THSD7B: variants seen among roughly 807,000 people sequenced by gnomAD.
THSD7B encodes thrombospondin type-1 domain-containing protein 7B.
In THSD7B, 138 loss-of-function variants were observed where a neutral mutation model predicts 213.6. The ratio of observed to expected loss-of-function variants is 0.65; its 90% confidence interval spans 0.56 to 0.74. The LOEUF (loss-of-function observed/expected upper bound fraction) is 0.74, where lower values mean the gene tolerates loss of function less well. THSD7B is among the 30% of genes least tolerant of loss of function. THSD7B has a pLI of 0.00. For missense variants in THSD7B, 1,931 were observed against 1,991.5 expected (o/e 0.97, Z 0.58); for synonymous variants, 742 against 687.0 (o/e 1.08, Z -1.25).
rs572787774 is a variant in THSD7B, at chr2:137,617,642, A to T, written c.3566-750A>T. Reference sequence around the variant, plus strand: ...GTATTGAAAATGTTTTCAAGTTTACATAAAAGATTGGTGTCTTAGTCTGTC... The same window carrying T: ...GTATTGAAAATGTTTTCAAGTTTACTTAAAAGATTGGTGTCTTAGTCTGTC... On this transcript the variant is annotated intron_variant, in intron 18 of 27. Coordinates refer to ENST00000409968, the MANE Select transcript of THSD7B (RefSeq NM_001316349.2). 4.5e-4 allele frequency among the ~76,000 whole-genome samples: 68 copies of T among 152,332 alleles called. 1 individual carries two copies. In the South Asian group the frequency reaches 9.7e-3, roughly 22 times the overall value.
At chr2:137,516,558 C>A (rs973775397) in intron 15 of THSD7B, among the ~76,000 whole-genome samples, 5 of 152,090 alleles carry the variant, frequency 3.3e-5, no homozygotes, top group South Asian at 2.1e-4. Flanking sequence ...TTCAGGGGAC[C>A]CAAAACGTCG....
At chr2:137,623,815 C>A (rs1397051067) in intron 20 of THSD7B, among the ~76,000 whole-genome samples, 1 of 152,126 alleles carries the variant, frequency 6.6e-6, no homozygotes, top group Non-Finnish European at 1.5e-5. Flanking sequence ...AACCACTGCT[C>A]AGTGAAATAA....
At chr2:137,141,469 AAC>A (rs1679583603) in intron 5 of THSD7B, among the ~76,000 whole-genome samples, 4 of 139,820 alleles carry the variant, frequency 2.9e-5, no homozygotes, top group Non-Finnish European at 6.1e-5. Flanking sequence ...ATTGCGTAGA[AAC>A]ACACATGTGT....
At chr2:136,841,926 T>A (rs1682926616) in intron 1 of THSD7B, among the ~76,000 whole-genome samples, 1 of 152,216 alleles carries the variant, frequency 6.6e-6, no homozygotes, top group African/African-American at 2.4e-5. Flanking sequence ...TTATTGCAGC[T>A]GTATGTATCC....
intron 13 of THSD7B, among the ~76,000 whole-genome samples, chr2:137,410,962 CAG>C (rs1686639213): frequency 6.6e-6 from 1 of 152,180 alleles, no homozygotes; most frequent in Admixed American, 6.5e-5. Flanking sequence ...TTGTCTTACT[CAG>C]AGATAGGACC....
At chr2:137,282,516 T>C (rs1683051105) in intron 12 of THSD7B, among the ~76,000 whole-genome samples, 1 of 152,202 alleles carries the variant, frequency 6.6e-6, no homozygotes, top group Non-Finnish European at 1.5e-5. Flanking sequence ...TAGGTTTTTT[T>C]CTAGAGTTTT....
chr2:137,600,750 A>C (rs1682061405), intron 17 of THSD7B, among the ~76,000 whole-genome samples: 1 of 152,110 alleles, frequency 6.6e-6, no homozygotes, highest in Non-Finnish European at 1.5e-5. Context: ...AAAACAAAAC[A>C]AAAAAACAAA....
At chr2:137,106,441 C>T (rs552629887) in intron 4 of THSD7B, among the ~76,000 whole-genome samples, 1 of 152,190 alleles carries the variant, frequency 6.6e-6, no homozygotes, top group East Asian at 1.9e-4. Context: ...ACTATAACAC[C>T]CTGGAAGAAA....
In THSD7B at chr2:137,302,600, G is replaced by T. The variant is rs551954229; in HGVS notation, c.2500+26574G>T. 3.3e-5 allele frequency among the ~76,000 whole-genome samples: 5 copies of T among 152,206 alleles called. No individual in the cohort carries two copies. The East Asian group carries it at 9.6e-4, about 29-fold the overall frequency. On this transcript the variant is annotated intron_variant, in intron 12 of 27. Coordinates refer to ENST00000409968, the MANE Select transcript of THSD7B (RefSeq NM_001316349.2). ...ATCTTGTAAAAAGTTTTGATGTGAA[G>T]GGAACAGAGAAGTGGGGTAGTAGCT...
chr2:137,438,765 A>G (rs575766815), intron 14 of THSD7B, among the ~76,000 whole-genome samples: 10 of 152,200 alleles, frequency 6.6e-5, no homozygotes, highest in African/African-American at 2.4e-4. Context: ...TCTCTCTAGT[A>G]GGTTGAATTT....
rs540551320 is a variant in THSD7B at position 136,871,168 on chromosome 2, A to G, written c.-35-10976A>G. On this transcript the variant is annotated intron_variant, in intron 1 of 27. Transcript: ENST00000409968. ...GGGCTCTGTAGGGTAATCAAGCTCC[A>G]TTTATTTTGTATGTTACATGTGTGT... Among the ~76,000 whole-genome samples the G allele has an allele frequency of 1.4e-4, 21 of 152,302 alleles. No homozygotes were observed. The South Asian group carries it at 3.1e-3, about 23-fold the overall frequency.
At chr2:136,878,978 T>G (rs1387363118) in intron 1 of THSD7B, among the ~76,000 whole-genome samples, 1 of 152,230 alleles carries the variant, frequency 6.6e-6, no homozygotes, top group African/African-American at 2.4e-5. Context: ...GTTTTAGACA[T>G]GAAGTCCTTG....
At chr2:137,497,507 A>G (rs1267681252) in intron 15 of THSD7B, among the ~76,000 whole-genome samples, 1 of 152,078 alleles carries the variant, frequency 6.6e-6, no homozygotes, top group African/African-American at 2.4e-5. Flanking sequence ...AAATGTACCA[A>G]TTGCATACAA....
Position 137,141,878 on chromosome 2 carries a change from C to T in THSD7B, c.1370-18335C>T, listed in dbSNP as rs556117916. Among the ~76,000 whole-genome samples the T allele has an allele frequency of 3.0e-4, 45 of 152,172 alleles. 1 individual carries two copies. The highest frequency in any genetic ancestry group is 1.9e-3 in the Admixed American group (29 of 15,270). On this transcript the variant is annotated intron_variant, in intron 5 of 27. Coordinates refer to ENST00000409968, the MANE Select transcript of THSD7B (RefSeq NM_001316349.2). ...TACATTTAATGTTTTTTTGCTATCA[C>T]CCTTGTCTCCTAAACATTCATGTAG...
intron 15 of THSD7B, among the ~76,000 whole-genome samples, chr2:137,469,944 A>G (rs1328135403): frequency 6.6e-6 from 1 of 152,202 alleles, no homozygotes; most frequent in East Asian, 1.9e-4. Context: ...AAATATCCAT[A>G]CCAGATGTTT....
intron 12 of THSD7B, among the ~76,000 whole-genome samples, chr2:137,291,675 G>C (rs1683342650): frequency 6.6e-6 from 1 of 152,160 alleles, no homozygotes; most frequent in Admixed American, 6.5e-5. Flanking sequence ...ATCTCCTAGA[G>C]AGTAGAGGCT....
chr2:137,088,223 G>C (rs1687877642), intron 3 of THSD7B, among the ~76,000 whole-genome samples: 1 of 151,568 alleles, frequency 6.6e-6, no homozygotes, highest in Admixed American at 6.6e-5. Context: ...CTGGGTGACA[G>C]AGCAAGACTC....
chr2:137,273,416 A>G (rs1454394105), intron 11 of THSD7B, among the ~76,000 whole-genome samples: 1 of 152,078 alleles, frequency 6.6e-6, no homozygotes, highest in Non-Finnish European at 1.5e-5. Flanking sequence ...TTGAAATGCT[A>G]CTTTAAGGTG....
chr2:137,580,533 C>T (rs1211745893), intron 17 of THSD7B, among the ~76,000 whole-genome samples: 1 of 152,188 alleles, frequency 6.6e-6, no homozygotes, highest in African/African-American at 2.4e-5. Context: ...TTGATATTCA[C>T]ATTATCTTTC....
Sources: gnomAD v4.1 joint callset for allele counts (sites outside exome capture counted in the v4.1 genomes callset) on GRCh38, gnomAD v4.1.1 for gene constraint, MANE v1.5 for transcripts, NCBI Gene and HGNC (gene_info 2026-07-23, HGNC 2026-07-21) for gene names.